ARL5C: variants seen among roughly 807,000 people sequenced by gnomAD.
ARL5C encodes putative ADP-ribosylation factor-like protein 5C.
ARL5C carries 21 observed loss-of-function variants against 20.8 expected under a neutral mutation model. The observed-to-expected ratio is 1.01, with a 90% CI of 0.72 to 1.46. The LOEUF (loss-of-function observed/expected upper bound fraction) is 1.46, where lower values mean the gene tolerates loss of function less well. ARL5C is among the 40% of genes most tolerant of loss of function. ARL5C has a pLI of 0.00. For missense variants in ARL5C, 199 were observed against 225.1 expected (o/e 0.88, Z 0.74); for synonymous variants, 71 against 81.6 (o/e 0.87, Z 0.70).
Position 39,166,038 on chromosome 17 carries a change from C to T in ARL5C, c.-278G>A, listed in dbSNP as rs1009656752. The T allele has an allele frequency of 1.5e-5, 7 of 478,032 alleles. No homozygotes were observed. Among genetic ancestry groups the T allele is most frequent in the Non-Finnish European group, 2.3e-5 (6 of 262,816 alleles). The allele number at this position is 478,032 out of a possible 1,614,324, so 29.6% of individuals were successfully genotyped here. A position where few individuals can be genotyped will look rare whatever the true frequency, so the allele number is the denominator to read the frequency against. On this transcript the variant is annotated 5_prime_UTR_variant, in exon 1 of 6. Coordinates refer to ENST00000269586, the MANE Select transcript of ARL5C (RefSeq NM_001143968.1). ...GGCTCCAGCCCTCCCCCTCGCCCTG[C>T]GAAAACTCCTGAGTTCTCCGGGTGG...
chr17:39,158,631 G>C (rs1470249443), intron 5 of ARL5C, among the ~76,000 whole-genome samples: 2 of 147,366 alleles, frequency 1.4e-5, no homozygotes, highest in African/African-American at 5.1e-5. Context: ...AAAAAAAAAA[G>C]ATACCTGTGT....
intron 5 of ARL5C, 62 bp downstream of exon 5, chr17:39,160,529 T>C (rs1288745138): frequency 1.3e-6 from 2 of 1,529,046 alleles, no homozygotes; most frequent in Middle Eastern, 1.7e-4. Flanking sequence ...AGAAGGGTTC[T>C]GATGGTCAGT....
At chr17:39,165,248 G>GA in intron 1 of ARL5C, 109 bp from the exon 2 acceptor site, 1 of 1,109,668 alleles carries the variant, frequency 9.0e-7, no homozygotes, top group East Asian at 2.6e-5. Context: ...GCAGGCTGGG[G>GA]ACCTCTGCCC....
At chr17:39,158,820 C>T (rs919355976) in intron 5 of ARL5C, among the ~76,000 whole-genome samples, 1 of 151,948 alleles carries the variant, frequency 6.6e-6, no homozygotes, top group Non-Finnish European at 1.5e-5. Flanking sequence ...TCCCTCCACA[C>T]ACTTCCACTC....
intron 3 of ARL5C, among the ~76,000 whole-genome samples, chr17:39,162,117 T>TA (rs1196450295): frequency 6.6e-6 from 1 of 152,048 alleles, no homozygotes; most frequent in Non-Finnish European, 1.5e-5. Flanking sequence ...GTAAGGCCCC[T>TA]AGAGAGAAGG....
intron 2 of ARL5C, among the ~76,000 whole-genome samples, chr17:39,163,350 C>CTTTCTTTCTTTCTT (rs2045444842): frequency 3.2e-5 from 3 of 94,924 alleles, no homozygotes; most frequent in African/African-American, 2.4e-4. Context: ...TTTTGCCTTT[C>CTTTCTTTCTTTCTT]TTTCTTTCTT....
intron 5 of ARL5C, among the ~76,000 whole-genome samples, chr17:39,159,841 G>T (rs535133887): frequency 6.6e-6 from 1 of 152,334 alleles, no homozygotes; most frequent in South Asian, 2.1e-4. Flanking sequence ...ACTGAAGTCA[G>T]AGTGAGTCAA....
chr17:39,157,079 G>C, intron 5 of ARL5C, 137 bp from the exon 6 acceptor site: 1 of 953,532 alleles, frequency 1.0e-6, no homozygotes, highest in Non-Finnish European at 1.6e-6. Flanking sequence ...GAGATGAACT[G>C]GCTTGAGTAT....
chr17:39,165,181 A>G, intron 1 of ARL5C, 42 bp from the exon 2 acceptor site: 1 of 1,545,926 alleles, frequency 6.5e-7, no homozygotes, highest in Non-Finnish European at 8.8e-7. Context: ...GCCAAACCCG[A>G]AGACCAAGGG....
At chr17:39,156,872 T>C (rs1157933086), downstream of ARL5C, 6 of 1,551,550 alleles carry the variant, frequency 3.9e-6, no homozygotes, top group Non-Finnish European at 5.2e-6. Context: ...CCAAAGTTTC[T>C]GGTTGACCTC....
intron 5 of ARL5C, among the ~76,000 whole-genome samples, chr17:39,157,224 T>G (rs914535175): frequency 3.9e-5 from 6 of 152,186 alleles, no homozygotes; most frequent in African/African-American, 1.2e-4. Flanking sequence ...AATTACATAC[T>G]GTGATAAAGG....
intron 2 of ARL5C, among the ~76,000 whole-genome samples, chr17:39,163,344 G>GCCTT (rs1459710265): frequency 2.5e-3 from 197 of 78,008 alleles, no homozygotes; most frequent in Non-Finnish European, 5.3e-3. Flanking sequence ...CCAGGCTTTT[G>GCCTT]CCTTTCTTTC....
At chr17:39,157,886 G>A (rs580701) in intron 5 of ARL5C, among the ~76,000 whole-genome samples, 10,430 of 151,154 alleles carry the variant, frequency 0.069, 468 homozygotes, top group East Asian at 0.12. Flanking sequence ...GAGGTCAGGA[G>A]ATCGAGACCA....
chr17:39,163,048 G>T (rs1000005266), intron 2 of ARL5C, among the ~76,000 whole-genome samples, 190 bp from the exon 3 acceptor site: 2 of 152,210 alleles, frequency 1.3e-5, no homozygotes, highest in African/African-American at 4.8e-5. Context: ...ACTAAGCCCT[G>T]CCCTGGCTTG....
chr17:39,160,434 C>T (rs2045428529), intron 5 of ARL5C, 157 bp downstream of exon 5: 3 of 793,680 alleles, frequency 3.8e-6, no homozygotes, highest in Non-Finnish European at 5.9e-6. Flanking sequence ...GTGGCTTACC[C>T]ACCACATCTC....
At position 39,159,022 on chromosome 17, in the gene ARL5C, GTT is replaced by G. The variant is rs869126572; in HGVS notation, c.491+1567_491+1568del. 8.4e-3 allele frequency among the ~76,000 whole-genome samples: 438 copies of G among 52,336 alleles called. 1 individual carries two copies. The highest frequency in any genetic ancestry group is 0.033 in the African/African-American group (417 of 12,822). 34.3% of individuals were successfully genotyped at this position (52,336 alleles called of 152,430 possible). On this transcript the variant is annotated intron_variant, in intron 5 of 5. Coordinates refer to ENST00000269586, the MANE Select transcript of ARL5C (RefSeq NM_001143968.1). ...TTATTCACCTTATCATTTATCACTT[GTT>G]TTTTTTTTTTTTTTTTTTTTTTTTT...
chr17:39,160,345 A>T, intron 5 of ARL5C: 4 of 393,124 alleles, frequency 1.0e-5, no homozygotes, highest in African/African-American at 2.1e-5. Flanking sequence ...AAAAAGAGAG[A>T]GAGATTATTG....
At chr17:39,162,281 G>T (rs115682056) in intron 3 of ARL5C, among the ~76,000 whole-genome samples, 1 of 152,158 alleles carries the variant, frequency 6.6e-6, no homozygotes, top group African/African-American at 2.4e-5. Flanking sequence ...AACTTAGGGA[G>T]ATCATTATAT....
At chr17:39,158,129 GAGGA>G (rs1175373148) in intron 5 of ARL5C, among the ~76,000 whole-genome samples, 35 of 94,660 alleles carry the variant, frequency 3.7e-4, no homozygotes, top group East Asian at 7.3e-4. Context: ...GGGAGGGAGG[GAGGA>G]AGGAAGGAAG....
Sources: allele counts gnomAD v4.1 joint callset (sites outside exome capture counted in the v4.1 genomes callset), GRCh38; gene constraint gnomAD v4.1.1; transcripts MANE v1.5; gene names NCBI Gene and HGNC (gene_info 2026-07-23, HGNC 2026-07-21).